YAP1: variants seen among roughly 807,000 people sequenced by gnomAD.
YAP1 encodes transcriptional coactivator YAP1.
YAP1 carries 5 observed loss-of-function variants against 56.9 expected under a neutral mutation model. The observed-to-expected ratio is 0.09, with a 90% confidence interval of 0.05 to 0.18. The LOEUF (loss-of-function observed/expected upper bound fraction) is 0.18. YAP1 is among the 10% of genes least tolerant of loss of function. The probability of loss-of-function intolerance (pLI) is 1.00; values close to 1 mark genes in which losing one functional copy is unlikely to be tolerated. For missense variants in YAP1, 539 were observed against 651.8 expected, an observed-to-expected ratio of 0.83 and a Z score of 1.88; for synonymous variants, 265 against 248.1, an observed-to-expected ratio of 1.07 and a Z score of -0.64.
At chr11:102,122,895 CAAAAAAAA>C (rs56934997) in intron 2 of YAP1, among the ~76,000 whole-genome samples, 11 of 79,458 alleles carry the variant, frequency 1.4e-4, no homozygotes, top group East Asian at 1.2e-3. Flanking sequence ...AGACTTCTCT[CAAAAAAAA>C]AAAAAAAAAA....
intron 2 of YAP1, among the ~76,000 whole-genome samples, chr11:102,129,580 T>G (rs1285829175): frequency 2.8e-5 from 4 of 143,174 alleles, no homozygotes; most frequent in Non-Finnish European, 6.0e-5. Context: ...ATTGCGCCAT[T>G]GCATTCCAGG....
intron 1 of YAP1, among the ~76,000 whole-genome samples, chr11:102,111,657 C>T (rs1322702383): frequency 6.6e-6 from 1 of 152,128 alleles, no homozygotes; most frequent in Non-Finnish European, 1.5e-5. Flanking sequence ...TTGCCAGCGG[C>T]GGCCGAGTTT....
intron 6 of YAP1, among the ~76,000 whole-genome samples, chr11:102,221,731 TAA>T (rs199559418): frequency 7.2e-6 from 1 of 139,370 alleles, no homozygotes. Flanking sequence ...TCAAAAAGAT[TAA>T]AAAAAAAAAA....
chr11:102,196,610 GT>G (rs1948585702), intron 4 of YAP1, among the ~76,000 whole-genome samples: 1 of 147,196 alleles, frequency 6.8e-6, no homozygotes, highest in South Asian at 2.1e-4. Flanking sequence ...TTTTTTGTTT[GT>G]TTTTGTTTTT....
At chr11:102,219,339 G>A (rs1179900438) in intron 6 of YAP1, among the ~76,000 whole-genome samples, 2 of 152,082 alleles carry the variant, frequency 1.3e-5, no homozygotes, top group Non-Finnish European at 2.9e-5. Context: ...AAATAATTAC[G>A]ATATTTTGTG....
intron 2 of YAP1, among the ~76,000 whole-genome samples, chr11:102,131,923 GCCTGGCCAACATGATGAAAC>G (rs1944387928): frequency 6.6e-6 from 1 of 152,088 alleles, no homozygotes; most frequent in Non-Finnish European, 1.5e-5. Flanking sequence ...GTGATACCAA[GCCTGGCCAACATGATGAAAC>G]CCTGTCTCTA....
rs1476579091 is a variant in YAP1 at position 102,223,669 on chromosome 11, G to A, written c.1080G>A (p.Gly360=). ...TACCAACACTGGAGCAGGATGGTGG[G>A]ACTCAAAATCCAGTGTCTTCTCCCG... ...SQLPTLEQDG[G]TQNPVSSPGM... The change falls in exon 7 of 9, where the codon GGG becomes GGA. Residue 360 remains glycine, a synonymous_variant. Transcript: ENST00000282441. 6.8e-6 allele frequency: 11 copies of A among 1,614,156 alleles called. No individual in the cohort carries two copies. The highest frequency in any genetic ancestry group is 9.3e-6 in the Non-Finnish European group (11 of 1,180,014).
chr11:102,132,299 C>A lies in YAP1; in HGVS notation c.572+17905C>A, dbSNP rs148428316. On this transcript the variant is annotated intron_variant, in intron 2 of 8. Transcript: ENST00000282441. The stretch of plus-strand genomic sequence containing the variant: ...AAAGACAGAGCTGCCAAAAGGTTTT[C>A]TGGTAAAACCAAAGGTCTTTTCCCT... Among the ~76,000 whole-genome samples the A allele has an allele frequency of 1.6e-3, 248 of 152,316 alleles. 1 individual carries two copies. Among genetic ancestry groups the A allele is most frequent in the African/African-American group, 5.6e-3 (233 of 41,568 alleles).
At chr11:102,193,535 A>G (rs376836255) in intron 4 of YAP1, among the ~76,000 whole-genome samples, 32 of 152,332 alleles carry the variant, frequency 2.1e-4, no homozygotes, top group South Asian at 1.5e-3. Flanking sequence ...ATGGTAAGCA[A>G]TCTCTCCTGT....
At chr11:102,122,895 C>CAAAAAAAAAAAAAAA (rs56934997) in intron 2 of YAP1, among the ~76,000 whole-genome samples, 135 of 79,444 alleles carry the variant, frequency 1.7e-3, no homozygotes, top group Middle Eastern at 7.0e-3. Flanking sequence ...AGACTTCTCT[C>CAAAAAAAAAAAAAAA]AAAAAAAAAA....
intron 3 of YAP1, among the ~76,000 whole-genome samples, chr11:102,180,018 T>A (rs980050691): frequency 6.7e-6 from 1 of 149,588 alleles, no homozygotes; most frequent in African/African-American, 2.5e-5. Flanking sequence ...TTTTTTTTTT[T>A]TTTTTTTTGA....
At chr11:102,183,139 C>T (rs539985165) in intron 3 of YAP1, among the ~76,000 whole-genome samples, 57 of 152,254 alleles carry the variant, frequency 3.7e-4, no homozygotes, top group Non-Finnish European at 7.2e-4. Context: ...AAACTAATTT[C>T]TGTCTGAGGT....
intron 2 of YAP1, among the ~76,000 whole-genome samples, chr11:102,153,494 A>G (rs1186689703): frequency 6.6e-6 from 1 of 152,196 alleles, no homozygotes; most frequent in East Asian, 1.9e-4. Context: ...TTAAAATGCA[A>G]GAGTGTTTTC....
rs1015113737 is a variant in YAP1, at chr11:102,232,403, C to T, written c.*2463C>T. The T allele has an allele frequency of 3.9e-5, 6 of 152,170 alleles. No homozygotes were observed. The highest frequency in any genetic ancestry group is 1.4e-4 in the African/African-American group (6 of 41,436). 9.4% of individuals were successfully genotyped at this position (152,170 alleles called of 1,614,324 possible). A position where few individuals can be genotyped will look rare whatever the true frequency, so the allele number is the denominator to read the frequency against. On this transcript the variant is annotated 3_prime_UTR_variant, in exon 9 of 9. Transcript: ENST00000282441. ...GGCAGCTGTTCTAGAGTTTCAGTCACCTAAGTACACCCACAAAACAATATG... is the reference window on the plus strand; with the variant it reads ...GGCAGCTGTTCTAGAGTTTCAGTCATCTAAGTACACCCACAAAACAATATG...
Position 102,110,604 on chromosome 11 carries a change from G to T in YAP1, c.-245G>T. ...AAGTTCTCAGGCGCCGCAGGTCCGA[G>T]TGCCTCGCAGCCCCTCCCGAGGCGC... is the stretch of plus-strand genomic sequence containing the variant. On this transcript the variant is annotated 5_prime_UTR_variant, in exon 1 of 9. Coordinates refer to ENST00000282441, the MANE Select transcript of YAP1 (RefSeq NM_001130145.3). 2 of 226,438 alleles carry T rather than the reference G, an allele frequency of 8.8e-6. No individual in the cohort carries two copies. Among genetic ancestry groups the T allele is most frequent in the Non-Finnish European group, 8.4e-6 (1 of 118,726 alleles). 14.0% of individuals were successfully genotyped at this position (226,438 alleles called of 1,614,324 possible).
intron 2 of YAP1, among the ~76,000 whole-genome samples, chr11:102,118,993 G>A (rs980012319): frequency 6.6e-6 from 1 of 151,824 alleles, no homozygotes. Flanking sequence ...AGTTGCACAC[G>A]TGCACATGTA....
chr11:102,215,912 G>A (rs1255371916), intron 6 of YAP1, among the ~76,000 whole-genome samples: 1 of 152,148 alleles, frequency 6.6e-6, no homozygotes, highest in African/African-American at 2.4e-5. Context: ...AAGAAAACAG[G>A]CCAGCCTTTT....
chr11:102,111,097 C>T lies in YAP1; in HGVS notation c.249C>T (p.Thr83=). ...CCAAGACGGCCAACGTGCCCCAGAC[C>T]GTGCCCATGAGGCTCCGGAAGCTGC... is the stretch of plus-strand genomic sequence containing the variant. The part of the protein sequence containing the change: ...MNPKTANVPQ[T]VPMRLRKLPD... Residue 83 remains threonine, a synonymous_variant, in exon 1 of 9, where the codon ACC becomes ACT. Coordinates refer to ENST00000282441, the MANE Select transcript of YAP1 (RefSeq NM_001130145.3). 6.2e-7 allele frequency: 1 copy of T among 1,613,480 alleles called. No individual in the cohort carries two copies. Among genetic ancestry groups the T allele is most frequent in the African/African-American group, 1.3e-5 (1 of 75,044 alleles).
chr11:102,146,359 C>G (rs752950450), intron 2 of YAP1, among the ~76,000 whole-genome samples: 1 of 152,174 alleles, frequency 6.6e-6, no homozygotes, highest in Non-Finnish European at 1.5e-5. Context: ...CTCCTCCTCA[C>G]TCCTCTCTCC....
Sources: gnomAD v4.1 joint callset for allele counts (sites outside exome capture counted in the v4.1 genomes callset) on GRCh38, gnomAD v4.1.1 for gene constraint, MANE v1.5 for transcripts, NCBI Gene and HGNC (gene_info 2026-07-23, HGNC 2026-07-21) for gene names.